The following KCNIP4 variants were observed in gnomAD, a reference collection of about 807,000 sequenced individuals.
The protein encoded by KCNIP4 is potassium voltage-gated channel interacting protein 4.
A neutral mutation model predicts 34.0 loss-of-function variants in KCNIP4; 12 were observed. The ratio of observed to expected loss-of-function variants is 0.35; its 90% CI spans 0.23 to 0.57. The LOEUF (loss-of-function observed/expected upper bound fraction) is 0.57. KCNIP4 is among the 20% of genes least tolerant of loss of function. KCNIP4 has a pLI of 0.83. For missense variants in KCNIP4, 238 were observed against 311.7 expected (o/e 0.76, Z 1.78); for synonymous variants, 124 against 102.2 (o/e 1.21, Z -1.29).
chr4:20,729,431 A>C lies in KCNIP4; in HGVS notation c.*651T>G, dbSNP rs1184455205. On this transcript the variant is annotated 3_prime_UTR_variant, in exon 9 of 9. Transcript: ENST00000382152. ...TTATGGAAAATTAAATGCTTATTAAAATAAGTTTTATTAGGCATATGCTGA... is the reference window on the plus strand; with the variant it reads ...TTATGGAAAATTAAATGCTTATTAACATAAGTTTTATTAGGCATATGCTGA... The C allele has an allele frequency of 6.6e-6, 1 of 152,142 alleles. No homozygotes were observed. The highest frequency in any genetic ancestry group is 2.4e-5 in the African/African-American group (1 of 41,242). 9.4% of individuals were successfully genotyped at this position (152,142 alleles called of 1,614,324 possible).
At chr4:21,256,560 T>C (rs1279065653) in intron 1 of KCNIP4, among the ~76,000 whole-genome samples, 1 of 151,918 alleles carries the variant, frequency 6.6e-6, no homozygotes, top group Non-Finnish European at 1.5e-5. Flanking sequence ...GATTATGCCA[T>C]TGCACTTCAG....
In KCNIP4 at chr4:21,711,794, A is replaced by G. The variant is rs189857994; in HGVS notation, c.61+236777T>C. On this transcript the variant is annotated intron_variant, in intron 1 of 8. Transcript: ENST00000382152. Reference sequence around the variant, plus strand: ...GCAGTTCCAGGACTGTGAAATCCCAATGATATCTACTTATTCTCTATGGGA... The same window carrying G: ...GCAGTTCCAGGACTGTGAAATCCCAGTGATATCTACTTATTCTCTATGGGA... Among the ~76,000 whole-genome samples the G allele has an allele frequency of 7.0e-4, 106 of 152,326 alleles. 1 individual carries two copies. The highest frequency in any genetic ancestry group is 2.2e-3 in the African/African-American group (93 of 41,580).
intron 4 of KCNIP4, among the ~76,000 whole-genome samples, chr4:20,754,352 A>T (rs1754142919): frequency 6.6e-6 from 1 of 152,136 alleles, no homozygotes; most frequent in South Asian, 2.1e-4. Flanking sequence ...AAATGGTGAG[A>T]TGTTGTGATT....
chr4:21,385,556 C>T (rs1217160595), intron 1 of KCNIP4, among the ~76,000 whole-genome samples: 1 of 152,164 alleles, frequency 6.6e-6, no homozygotes, highest in Non-Finnish European at 1.5e-5. Context: ...ATTTCTTAAT[C>T]TCCATAAGCG....
intron 1 of KCNIP4, among the ~76,000 whole-genome samples, chr4:21,445,416 C>G (rs576848484): frequency 6.6e-6 from 1 of 152,204 alleles, no homozygotes; most frequent in South Asian, 2.1e-4. Context: ...GTACTGGTAC[C>G]AAAACAGAGA....
At chr4:21,226,815 C>T (rs1258318133) in intron 1 of KCNIP4, among the ~76,000 whole-genome samples, 2 of 152,132 alleles carry the variant, frequency 1.3e-5, no homozygotes, top group Non-Finnish European at 2.9e-5. Context: ...ACAGACAAAA[C>T]AACTTAATTC....
At chr4:20,739,915 G>A (rs1167113115) in intron 5 of KCNIP4, among the ~76,000 whole-genome samples, 1 of 152,202 alleles carries the variant, frequency 6.6e-6, no homozygotes, top group African/African-American at 2.4e-5. Flanking sequence ...TGACGGAGCT[G>A]AAAACCATGG....
At chr4:21,083,369 G>A (rs1007878110) in intron 1 of KCNIP4, among the ~76,000 whole-genome samples, 2 of 151,550 alleles carry the variant, frequency 1.3e-5, no homozygotes, top group African/African-American at 4.9e-5. Flanking sequence ...ATATGCCTAG[G>A]TACTAATCCC....
At chr4:21,582,073 GAAT>G (rs1264080566) in intron 1 of KCNIP4, 5 of 151,810 alleles carry the variant, frequency 3.3e-5, no homozygotes, top group African/African-American at 9.7e-5. Flanking sequence ...GAATGGAATG[GAAT>G]GGAATGGAAT....
intron 1 of KCNIP4, among the ~76,000 whole-genome samples, chr4:21,284,806 CT>C (rs1438053194): frequency 6.6e-6 from 1 of 151,576 alleles, no homozygotes; most frequent in Non-Finnish European, 1.5e-5. Context: ...AAAAGTAATC[CT>C]GCAGAAAATG....
At chr4:21,707,403 A>G (rs1298208467) in intron 1 of KCNIP4, among the ~76,000 whole-genome samples, 2 of 152,122 alleles carry the variant, frequency 1.3e-5, no homozygotes. Context: ...AGAAGATGAG[A>G]TTGAACTATT....
At chr4:21,298,031 G>A (rs1166162539) in intron 1 of KCNIP4, among the ~76,000 whole-genome samples, 2 of 152,104 alleles carry the variant, frequency 1.3e-5, no homozygotes, top group Non-Finnish European at 2.9e-5. Flanking sequence ...GTGATCTTAA[G>A]CAAGTTATTA....
intron 1 of KCNIP4, among the ~76,000 whole-genome samples, chr4:21,626,826 C>T (rs552666990): frequency 6.6e-6 from 1 of 152,176 alleles, no homozygotes; most frequent in Admixed American, 6.6e-5. Flanking sequence ...ATTGGCTGCA[C>T]CTTTCCTATT....
At chr4:20,866,663 T>C (rs2149503649) in intron 2 of KCNIP4, among the ~76,000 whole-genome samples, 1 of 152,086 alleles carries the variant, frequency 6.6e-6, no homozygotes, top group East Asian at 1.9e-4. Flanking sequence ...GCCAGAACAT[T>C]CAGGTGAGAG....
At chr4:21,359,147 G>A (rs1718960659) in intron 1 of KCNIP4, among the ~76,000 whole-genome samples, 1 of 152,070 alleles carries the variant, frequency 6.6e-6, no homozygotes, top group Non-Finnish European at 1.5e-5. Context: ...CCCAATTTGA[G>A]TGGGGTTCAT....
chr4:21,037,540 A>G (rs1431068632), intron 1 of KCNIP4, among the ~76,000 whole-genome samples: 1 of 152,210 alleles, frequency 6.6e-6, no homozygotes, highest in Admixed American at 6.5e-5. Context: ...AGTAGGCTAC[A>G]CCCTCTAGGT....
intron 1 of KCNIP4, among the ~76,000 whole-genome samples, chr4:21,080,015 T>C (rs184477382): frequency 6.6e-6 from 1 of 151,924 alleles, no homozygotes; most frequent in Non-Finnish European, 1.5e-5. Context: ...AACTGAAAGA[T>C]AGTAAATTTG....
intron 1 of KCNIP4, among the ~76,000 whole-genome samples, chr4:20,951,072 T>A (rs1577421171): frequency 1.3e-5 from 2 of 152,210 alleles, no homozygotes; most frequent in Non-Finnish European, 2.9e-5. Flanking sequence ...ATAGGATTAG[T>A]ATCTTTATAA....
intron 1 of KCNIP4, among the ~76,000 whole-genome samples, chr4:21,111,098 G>A (rs898593359): frequency 2.6e-5 from 4 of 152,090 alleles, no homozygotes; most frequent in Admixed American, 2.6e-4. Context: ...AGAGGTCTGT[G>A]CTTCATTGAA....
Sources: allele counts gnomAD v4.1 joint callset (sites outside exome capture counted in the v4.1 genomes callset), GRCh38; gene constraint gnomAD v4.1.1; transcripts MANE v1.5; gene names NCBI Gene and HGNC (gene_info 2026-07-23, HGNC 2026-07-21).